Variants in CELF1 observed in about 807,000 individuals in gnomAD.
CELF1 encodes the protein CUGBP Elav-like family member 1.
Under a neutral mutation model 61.8 loss-of-function variants are expected in CELF1, and 10 were observed. That is an observed-to-expected ratio of 0.16 (90% CI 0.10 to 0.27). The LOEUF (loss-of-function observed/expected upper bound fraction) is 0.27, where lower values mean the gene tolerates loss of function less well. CELF1 is among the 10% of genes least tolerant of loss of function. The pLI is 1.00. For synonymous variants in CELF1, 236 were observed against 225.1 expected (o/e 1.05, Z -0.43); for missense variants, 380 against 639.1 (o/e 0.59, Z 4.37).
At position 47,477,137 on chromosome 11, in the gene CELF1, T is replaced by C. The variant is rs532493445; in HGVS notation, c.973+160A>G. On this transcript the variant is annotated intron_variant, in intron 11 of 14. Transcript: ENST00000687097. ...CACAGCACATTGAAAATCAGGAAGA[T>C]TTCTCTTAAGTACAAAAGATGACAT... 1.0e-4 allele frequency: 95 copies of C among 920,246 alleles called. No individual in the cohort carries two copies. The South Asian group carries it at 1.5e-3, about 15-fold the overall frequency. 57.0% of individuals were successfully genotyped at this position (920,246 alleles called of 1,614,324 possible).
chr11:47,561,816 T>C (rs1022700459), intron 2 of CELF1, among the ~76,000 whole-genome samples: 18 of 152,132 alleles, frequency 1.2e-4, no homozygotes, highest in Non-Finnish European at 1.9e-4. Flanking sequence ...TGTCCATACA[T>C]TGAAATATTA....
intron 1 of CELF1, among the ~76,000 whole-genome samples, chr11:47,521,831 C>T (rs1045969425): frequency 5.3e-5 from 8 of 152,118 alleles, no homozygotes; most frequent in African/African-American, 1.7e-4. Context: ...GGTTATGTTA[C>T]TCAAAGACAA....
chr11:47,489,086 T>C, intron 3 of CELF1, 62 bp from the exon 4 acceptor site: 1 of 1,348,064 alleles, frequency 7.4e-7, no homozygotes, highest in Non-Finnish European at 9.7e-7. Context: ...GGAAATTTTC[T>C]TTTCTTTAAT....
intron 3 of CELF1, among the ~76,000 whole-genome samples, chr11:47,495,388 G>C (rs1179204193): frequency 2.0e-5 from 3 of 152,150 alleles, no homozygotes; most frequent in Non-Finnish European, 2.9e-5. Flanking sequence ...GGGGATGGGG[G>C]AAGGGAGACA....
intron 2 of CELF1, among the ~76,000 whole-genome samples, chr11:47,559,789 G>A (rs1032555519): frequency 4.6e-5 from 7 of 151,068 alleles, no homozygotes; most frequent in Non-Finnish European, 1.0e-4. Context: ...ATCACCTGAG[G>A]TCAGGAGTTC....
At chr11:47,545,615 T>A (rs1377887738) in intron 1 of CELF1, among the ~76,000 whole-genome samples, 1 of 152,192 alleles carries the variant, frequency 6.6e-6, no homozygotes, top group South Asian at 2.1e-4. Context: ...AGCATAAAGT[T>A]TGCCTAGCTG....
chr11:47,550,515 G>A (rs1417907441), intron 1 of CELF1, among the ~76,000 whole-genome samples: 1 of 152,090 alleles, frequency 6.6e-6, no homozygotes, highest in Non-Finnish European at 1.5e-5. Flanking sequence ...CTCCATGGCG[G>A]GGTTGGGGGG....
chr11:47,500,018 G>A (rs1168539654), intron 2 of CELF1, among the ~76,000 whole-genome samples: 1 of 152,136 alleles, frequency 6.6e-6, no homozygotes, highest in Non-Finnish European at 1.5e-5. Context: ...TTAAACTTAC[G>A]TTTCCATGTG....
At chr11:47,546,288 T>C (rs776801335) in intron 1 of CELF1, among the ~76,000 whole-genome samples, 89 of 137,582 alleles carry the variant, frequency 6.5e-4, no homozygotes, top group Non-Finnish European at 1.2e-3. Context: ...GGGGAGGGAA[T>C]GGAGTTTTGC....
intron 1 of CELF1, among the ~76,000 whole-genome samples, chr11:47,527,853 T>C (rs764680338): frequency 4.6e-5 from 7 of 152,240 alleles, no homozygotes; most frequent in Admixed American, 6.5e-5. Flanking sequence ...CTCAGCACTT[T>C]GGGAGGCCGA....
At chr11:47,548,694 CCT>C (rs1186392507) in intron 1 of CELF1, among the ~76,000 whole-genome samples, 2 of 151,644 alleles carry the variant, frequency 1.3e-5, no homozygotes, top group East Asian at 3.9e-4. Flanking sequence ...GGTGAAACTC[CCT>C]CTCTACTAAA....
At chr11:47,484,299 A>T in intron 7 of CELF1, 90 bp downstream of exon 7, 2 of 1,411,188 alleles carry the variant, frequency 1.4e-6, no homozygotes, top group Non-Finnish European at 1.9e-6. Flanking sequence ...TGGGTGAGAG[A>T]GAGCAAGACC....
At chr11:47,480,067 T>G (rs59631865) in intron 9 of CELF1, among the ~76,000 whole-genome samples, 31,129 of 149,918 alleles carry the variant, frequency 0.21, 3,712 homozygotes, top group East Asian at 0.31. Flanking sequence ...TATCACACAG[T>G]CCACTAGCAC....
Position 47,484,408 on chromosome 11 carries a change from T to C in CELF1, c.507A>G (p.Gly169=), listed in dbSNP as rs746244761. 6.2e-7 allele frequency: 1 copy of C among 1,612,906 alleles called. No homozygotes were observed. Among genetic ancestry groups the C allele is most frequent in the South Asian group, 1.1e-5 (1 of 90,916 alleles). ...GQIEECRILR[G]PDGLSRGCAF... ...ACCTACCTCGGCTCAGGCCATCAGGTCCCCGCAATATCCGGCATTCTTCAA... is the reference window on the plus strand; with the variant it reads ...ACCTACCTCGGCTCAGGCCATCAGGCCCCCGCAATATCCGGCATTCTTCAA... Residue 169 remains glycine (G), a synonymous_variant, in exon 7 of 15, where the codon GGA becomes GGG. Transcript: ENST00000687097.
chr11:47,546,311 G>A lies in CELF1; in HGVS notation c.-154+6681C>T, dbSNP rs2096949742. ...AATGGAGTTTTGCTCTTGTAGCCCAGGCTGGAGTGCAGTGGCTTGATCTTG... is the reference window on the plus strand; with the variant it reads ...AATGGAGTTTTGCTCTTGTAGCCCAAGCTGGAGTGCAGTGGCTTGATCTTG... On this transcript the variant is annotated intron_variant, in intron 1 of 14. Transcript: ENST00000687097. Among the ~76,000 whole-genome samples, 3 of 151,066 alleles carry A rather than the reference G, an allele frequency of 2.0e-5. No individual in the cohort carries two copies. The South Asian group carries it at 6.3e-4, about 32-fold the overall frequency.
In CELF1 at chr11:47,477,703, C is replaced by T. The variant is rs568967280; in HGVS notation, c.845-278G>A. On this transcript the variant is annotated intron_variant, in intron 10 of 14. Coordinates refer to ENST00000687097, the MANE Select transcript of CELF1 (RefSeq NM_001376376.1). ...TGGGCAATTAGGAAACCAAGAAAAA[C>T]TGCCTACCATAGGGCCAGGAGCACA... 24 of 320,670 alleles carry T rather than the reference C, an allele frequency of 7.5e-5. No individual in the cohort carries two copies. The East Asian group carries it at 9.6e-4, about 13-fold the overall frequency. 19.9% of individuals were successfully genotyped at this position (320,670 alleles called of 1,614,324 possible). A position where few individuals can be genotyped will look rare whatever the true frequency, so the allele number is the denominator to read the frequency against.
In CELF1 at chr11:47,471,558, A is replaced by C. The variant is rs2077709447; in HGVS notation, c.*672T>G. The C allele has an allele frequency of 6.6e-6, 1 of 152,196 alleles. No homozygotes were observed. Among genetic ancestry groups the C allele is most frequent in the Admixed American group, 6.5e-5 (1 of 15,286 alleles). 9.4% of individuals were successfully genotyped at this position (152,196 alleles called of 1,614,324 possible). ...TCAGGCTAACAGGTGCTTTATTTCC[A>C]GAGAATTGTTAATGCCCTTTTTTGA... On this transcript the variant is annotated 3_prime_UTR_variant, in exon 15 of 15. Transcript: ENST00000687097.
At position 47,541,736 on chromosome 11, in the gene CELF1, A is replaced by C. The variant is rs1458993380; in HGVS notation, c.-154+11256T>G. Among the ~76,000 whole-genome samples, 79 of 8,668 alleles carry C rather than the reference A, an allele frequency of 9.1e-3. 16 individuals carry two copies. Among genetic ancestry groups the C allele is most frequent in the African/African-American group, 0.02 (74 of 3,616 alleles). The allele number at this position is 8,668 out of a possible 152,430, so 5.7% of individuals were successfully genotyped here. On this transcript the variant is annotated intron_variant, in intron 1 of 14. Coordinates refer to ENST00000687097, the MANE Select transcript of CELF1 (RefSeq NM_001376376.1). ...AAAGAAAGAAAGAAAGAACGAAAGA[A>C]AGAACGAAAGAAAGAAAGAACGAAA... is the stretch of plus-strand genomic sequence containing the variant.
chr11:47,484,731 T>C (rs2085568477), intron 6 of CELF1, among the ~76,000 whole-genome samples: 1 of 152,168 alleles, frequency 6.6e-6, no homozygotes. Flanking sequence ...CAGGCTGGAG[T>C]GTAATGGCGC....
Sources: gnomAD v4.1 joint callset for allele counts (sites outside exome capture counted in the v4.1 genomes callset) on GRCh38, gnomAD v4.1.1 for gene constraint, MANE v1.5 for transcripts, NCBI Gene and HGNC (gene_info 2026-07-23, HGNC 2026-07-21) for gene names.